The following UNC79 variants were observed in gnomAD, a reference collection of about 807,000 sequenced individuals.
The protein encoded by UNC79 is unc-79 subunit of NALCN channel complex.
UNC79 carries 37 observed loss-of-function variants against 283.1 expected under a neutral mutation model. The ratio of observed to expected loss-of-function variants is 0.13; its 90% CI spans 0.10 to 0.17. The LOEUF is 0.17. UNC79 is among the 10% of genes least tolerant of loss of function. The pLI is 1.00. For missense variants in UNC79, 2,272 were observed against 3,211.1 expected (o/e 0.71, Z 7.07); for synonymous variants, 1,107 against 1,200.2 (o/e 0.92, Z 1.61).
chr14:93,668,978 TAAAAAAAAAAAAAA>T (rs543609091), intron 40 of UNC79, among the ~76,000 whole-genome samples: 1 of 79,898 alleles, frequency 1.3e-5, no homozygotes. Context: ...GAACATTGTC[TAAAAAAAAAAAAAA>T]AAAAAAAAAA....
chr14:93,464,692 T>G, intron 1 of UNC79: 2 of 437,074 alleles, frequency 4.6e-6, no homozygotes, highest in South Asian at 3.3e-5. Flanking sequence ...ACTAGAGAAA[T>G]GTAGCCTTAG....
chr14:93,349,274 AAC>A (rs1303087654), intron 1 of UNC79, among the ~76,000 whole-genome samples: 1 of 152,346 alleles, frequency 6.6e-6, no homozygotes, highest in Non-Finnish European at 1.5e-5. Context: ...AATTGTGAGA[AAC>A]ACATATTCAC....
At position 93,685,649 on chromosome 14, in the gene UNC79, G is replaced by A. The variant is rs549867369; in HGVS notation, c.6820-923G>A. Among the ~76,000 whole-genome samples the A allele has an allele frequency of 2.6e-5, 4 of 152,266 alleles. No individual in the cohort carries two copies. In the East Asian group the frequency reaches 7.7e-4, roughly 29 times the overall value. ...TGGGTGAGCTAGTTAAGTCTATAAT[G>A]TTCCAGATTTTCCTGAAGAAAGCCG... On this transcript the variant is annotated intron_variant, in intron 42 of 48. Transcript: ENST00000555664.
intron 26 of UNC79, among the ~76,000 whole-genome samples, chr14:93,609,582 T>C (rs2066148601): frequency 6.6e-6 from 1 of 152,194 alleles, no homozygotes; most frequent in African/African-American, 2.4e-5. Flanking sequence ...ATGTTAAATC[T>C]CTATGGTTAG....
At chr14:93,353,581 C>T (rs993464492) in intron 1 of UNC79, among the ~76,000 whole-genome samples, 2 of 152,144 alleles carry the variant, frequency 1.3e-5, no homozygotes, top group South Asian at 4.1e-4. Flanking sequence ...TATCAATCAC[C>T]CTGTCCCATA....
intron 1 of UNC79, among the ~76,000 whole-genome samples, chr14:93,396,777 ATGTG>A (rs34727419): frequency 0.011 from 1,606 of 144,470 alleles, 20 homozygotes; most frequent in Middle Eastern, 0.035. Context: ...ATGTGTGTGT[ATGTG>A]TGTGTGTGTG....
At chr14:93,484,243 A>G (rs2058294907) in intron 4 of UNC79, among the ~76,000 whole-genome samples, 1 of 152,218 alleles carries the variant, frequency 6.6e-6, no homozygotes, top group Admixed American at 6.5e-5. Context: ...CTGTATCCCC[A>G]GGACCTAGAA....
At chr14:93,468,575 C>T (rs924407742) in intron 2 of UNC79, among the ~76,000 whole-genome samples, 2 of 152,160 alleles carry the variant, frequency 1.3e-5, no homozygotes, top group African/African-American at 2.4e-5. Context: ...TTTAGCTGTA[C>T]AGAAGCAAAA....
At chr14:93,455,690 G>T (rs2056776430) in intron 1 of UNC79, among the ~76,000 whole-genome samples, 1 of 152,140 alleles carries the variant, frequency 6.6e-6, no homozygotes, top group Non-Finnish European at 1.5e-5. Flanking sequence ...GCTAGTCATT[G>T]TGCTAGGTAG....
intron 37 of UNC79, among the ~76,000 whole-genome samples, 199 bp from the exon 41 acceptor site, chr14:93,655,035 C>G (rs1352277012): frequency 6.6e-6 from 1 of 152,216 alleles, no homozygotes. Context: ...CTTTTCACCT[C>G]TCATCAATTT....
At chr14:93,434,551 G>A (rs529026096) in intron 1 of UNC79, among the ~76,000 whole-genome samples, 1 of 152,180 alleles carries the variant, frequency 6.6e-6, no homozygotes, top group South Asian at 2.1e-4. Context: ...TTGACCAATC[G>A]GGATCACCTT....
intron 22 of UNC79, among the ~76,000 whole-genome samples, chr14:93,588,091 T>C (rs544200251): frequency 6.6e-6 from 1 of 152,238 alleles, no homozygotes; most frequent in Non-Finnish European, 1.5e-5. Context: ...TATTTATTTA[T>C]TTATTTTGCC....
intron 24 of UNC79, among the ~76,000 whole-genome samples, chr14:93,599,505 T>C (rs2065339792): frequency 6.6e-6 from 1 of 152,158 alleles, no homozygotes; most frequent in African/African-American, 2.4e-5. Flanking sequence ...TGTGGCACAT[T>C]CTTTTTTTTG....
At position 93,655,216 on chromosome 14, in the gene UNC79, A is replaced by C; in HGVS notation, c.6283-18A>C. 1 of 1,612,764 alleles carries C rather than the reference A, an allele frequency of 6.2e-7. No individual in the cohort carries two copies. Among genetic ancestry groups the C allele is most frequent in the Non-Finnish European group, 8.5e-7 (1 of 1,179,244 alleles). On this transcript the variant is annotated intron_variant, in intron 37 of 48. Coordinates refer to ENST00000555664, the Ensembl canonical transcript of UNC79. ...GTGCTGTTTCAGCAGTTGATGGCCT[A>C]TGCTTTTGTGTTTTTAGGGTCTAAA...
intron 30 of UNC79, among the ~76,000 whole-genome samples, chr14:93,625,930 C>T (rs908464493): frequency 6.6e-6 from 1 of 152,092 alleles, no homozygotes; most frequent in Non-Finnish European, 1.5e-5. Context: ...TTAACATGAC[C>T]AGTGAAAACA....
At chr14:93,560,015 A>G (rs2062447786) in intron 14 of UNC79, among the ~76,000 whole-genome samples, 1 of 151,942 alleles carries the variant, frequency 6.6e-6, no homozygotes, top group African/African-American at 2.4e-5. Flanking sequence ...AAGTTGAAGG[A>G]GGATTTTGTG....
intron 26 of UNC79, among the ~76,000 whole-genome samples, chr14:93,608,845 C>T (rs17129117): frequency 0.19 from 29,327 of 152,070 alleles, 3,416 homozygotes; most frequent in East Asian, 0.3. Flanking sequence ...GAGTTTAGTG[C>T]ACTTTGACAG....
chr14:93,639,699 G>C (rs906875807), intron 32 of UNC79, among the ~76,000 whole-genome samples: 1 of 152,140 alleles, frequency 6.6e-6, no homozygotes, highest in South Asian at 2.1e-4. Flanking sequence ...TCTTATACTC[G>C]TGTAACCTTT....
intron 41 of UNC79, among the ~76,000 whole-genome samples, chr14:93,677,887 A>G (rs2073485458): frequency 6.6e-6 from 1 of 152,166 alleles, no homozygotes; most frequent in Non-Finnish European, 1.5e-5. Flanking sequence ...TGACCTCGTG[A>G]TATGCCTGCC....
Sources: gnomAD v4.1 joint callset for allele counts (sites outside exome capture counted in the v4.1 genomes callset) on GRCh38, gnomAD v4.1.1 for gene constraint, MANE v1.5 for transcripts, NCBI Gene and HGNC (gene_info 2026-07-23, HGNC 2026-07-21) for gene names.